The following SARDH variants were observed in gnomAD, a reference collection of about 807,000 sequenced individuals.
SARDH encodes the protein sarcosine dehydrogenase.
Under a neutral mutation model 109.1 loss-of-function variants are expected in SARDH, and 95 were observed. That is an observed-to-expected ratio of 0.87 (90% CI 0.74 to 1.03). SARDH has a LOEUF of 1.03. Ranked by LOEUF, SARDH falls within the 50% of genes least tolerant of loss-of-function variation. The pLI is 0.00. For synonymous variants in SARDH, 572 were observed against 534.8 expected (o/e 1.07, Z -0.96); for missense variants, 1,267 against 1,287.8 (o/e 0.98, Z 0.25).
intron 19 of SARDH, among the ~76,000 whole-genome samples, chr9:133,667,376 G>C (rs1179996792): frequency 6.6e-6 from 1 of 151,828 alleles, no homozygotes; most frequent in African/African-American, 2.4e-5. Flanking sequence ...ATGTTGGCCA[G>C]GCTGGTCTCG....
intron 17 of SARDH, among the ~76,000 whole-genome samples, chr9:133,682,032 A>C (rs1830714200): frequency 6.6e-6 from 1 of 152,140 alleles, no homozygotes; most frequent in African/African-American, 2.4e-5. Flanking sequence ...AAGGACAGAG[A>C]AGAACACACC....
In SARDH at chr9:133,730,131, C is replaced by T. The variant is rs35457000; in HGVS notation, c.747G>A (p.Val249=). Residue 249 remains valine, a synonymous_variant, in exon 5 of 21, where the codon GTG becomes GTA. Coordinates refer to ENST00000439388, the MANE Select transcript of SARDH (RefSeq NM_001134707.2). ...GIRVWTDDFG[V]RRVAGVETQH... The stretch of plus-strand genomic sequence containing the variant: ...GAGTCTCCACACCCGCGACCCGCCG[C>T]ACCCCAAAATCATCCGTCCACACAC... The T allele has an allele frequency of 2.4e-3, 3,902 of 1,614,230 alleles. 65 individuals carry two copies. In the African/African-American group the frequency reaches 0.043, roughly 18 times the overall value.
At chr9:133,694,492 G>A in intron 14 of SARDH, 121 bp from the exon 15 acceptor site, 1 of 820,302 alleles carries the variant, frequency 1.2e-6, no homozygotes, top group Non-Finnish European at 2.0e-6. Flanking sequence ...ATAACCCCCA[G>A]ACAGGATGCC....
chr9:133,707,027 T>C (rs1348157441), intron 11 of SARDH, among the ~76,000 whole-genome samples: 4 of 152,156 alleles, frequency 2.6e-5, no homozygotes, highest in African/African-American at 9.7e-5. Flanking sequence ...GGGCCACCTT[T>C]CTAAGGAGGC....
At chr9:133,722,642 G>GCTCTCTCTCTCTCTCTCTCT (rs56179331) in intron 6 of SARDH, among the ~76,000 whole-genome samples, 12 of 145,840 alleles carry the variant, frequency 8.2e-5, no homozygotes, top group South Asian at 4.5e-4. Context: ...AACTACTAGC[G>GCTCTCTCTCTCTCTCTCTCT]CTCTCTCTCT....
At chr9:133,731,184 G>T (rs1832667142) in intron 4 of SARDH, 121 bp downstream of exon 4, 1 of 1,322,800 alleles carries the variant, frequency 7.6e-7, no homozygotes, top group Non-Finnish European at 1.0e-6. Context: ...GGTCCTCACT[G>T]GCCCAAAGTC....
At chr9:133,726,394 A>ATAATAG (rs59172198) in intron 6 of SARDH, among the ~76,000 whole-genome samples, 27 of 132,348 alleles carry the variant, frequency 2.0e-4, no homozygotes, top group East Asian at 1.1e-3. Flanking sequence ...AATAATAATA[A>ATAATAG]TAGTAGTAGT....
chr9:133,729,112 T>C (rs1832586852), intron 6 of SARDH, among the ~76,000 whole-genome samples: 1 of 151,412 alleles, frequency 6.6e-6, no homozygotes, highest in Non-Finnish European at 1.5e-5. Flanking sequence ...CGGGAGTAGA[T>C]GGATGGAGAG....
Position 133,671,701 on chromosome 9 carries a change from G to T in SARDH, c.2164-4C>A, listed in dbSNP as rs781152596. ...AGGACAGCCGCATGGCTCGGACCTGGGGGACAAGGTCATGGCTTAGATGTG... is the reference window on the plus strand; with the variant it reads ...AGGACAGCCGCATGGCTCGGACCTGTGGGACAAGGTCATGGCTTAGATGTG... On this transcript the variant is annotated splice_polypyrimidine_tract_variant and splice_region_variant and intron_variant, in intron 17 of 20. Coordinates refer to ENST00000439388, the MANE Select transcript of SARDH (RefSeq NM_001134707.2). 13 of 1,565,182 alleles carry T rather than the reference G, an allele frequency of 8.3e-6. No individual in the cohort carries two copies. Among genetic ancestry groups the T allele is most frequent in the South Asian group, 4.7e-5 (4 of 85,214 alleles).
chr9:133,702,968 C>T lies in SARDH; in HGVS notation c.1616G>A (p.Arg539His), dbSNP rs770073449. 1.2e-6 allele frequency: 2 copies of T among 1,613,332 alleles called. No homozygotes were observed. Among genetic ancestry groups the T allele is most frequent in the Non-Finnish European group, 8.5e-7 (1 of 1,180,002 alleles). Residue 539 changes from arginine to histidine, a missense_variant, in exon 13 of 21, where the codon CGC becomes CAC. Coordinates refer to ENST00000439388, the MANE Select transcript of SARDH (RefSeq NM_001134707.2). ...GSRAHEDYAY[R>H]RLLADEYTFA... Reference sequence around the variant, plus strand: ...GGTGTACTCGTCTGCCAGCAGCCTGCGGTAGGCGTAGTCCTCGTGCGCGCG... The same window carrying T: ...GGTGTACTCGTCTGCCAGCAGCCTGTGGTAGGCGTAGTCCTCGTGCGCGCG...
chr9:133,722,304 A>AT (rs141882758), intron 6 of SARDH, among the ~76,000 whole-genome samples: 19,104 of 44,596 alleles, frequency 0.43, 1,427 homozygotes, highest in South Asian at 0.52. Flanking sequence ...ATCTTTAATG[A>AT]TTTTTTTTTT....
chr9:133,709,384 G>A lies in SARDH; in HGVS notation c.1329-956C>T, dbSNP rs562800374. 2.6e-3 allele frequency among the ~76,000 whole-genome samples: 398 copies of A among 152,176 alleles called. 3 individuals are homozygous for A. The highest frequency in any genetic ancestry group is 3.8e-3 in the Non-Finnish European group (259 of 68,000). ...GGAACTGCTGGCTGGAGTGAGACCC[G>A]GGCCCAGCTGCATCAGGGCCCTGCA... On this transcript the variant is annotated intron_variant, in intron 10 of 20. Transcript: ENST00000439388. The surrounding 1 kb of genome is among the most constrained non-coding windows in gnomAD (Gnocchi z 4.2).
chr9:133,667,683 G>A (rs1564226367), intron 19 of SARDH, among the ~76,000 whole-genome samples: 1 of 152,148 alleles, frequency 6.6e-6, no homozygotes, highest in Non-Finnish European at 1.5e-5. Flanking sequence ...TATCACGGCG[G>A]CAGCTATGCA....
intron 10 of SARDH, among the ~76,000 whole-genome samples, chr9:133,710,419 G>A (rs772238090): frequency 2.6e-5 from 4 of 152,224 alleles, no homozygotes; most frequent in East Asian, 1.9e-4. Context: ...ACCCTCACGC[G>A]CAGCCCGGAG....
At chr9:133,674,563 G>A (rs1226234256) in intron 17 of SARDH, among the ~76,000 whole-genome samples, 1 of 152,236 alleles carries the variant, frequency 6.6e-6, no homozygotes, top group Non-Finnish European at 1.5e-5. Context: ...AATCAGCAAA[G>A]TTGGAGAAAG....
rs531353697 is a variant in SARDH, at chr9:133,711,954, T to A, written c.1328+665A>T. 4.6e-5 allele frequency among the ~76,000 whole-genome samples: 7 copies of A among 152,320 alleles called. No homozygotes were observed. The South Asian group carries it at 1.4e-3, about 32-fold the overall frequency. On this transcript the variant is annotated intron_variant, in intron 10 of 20. Transcript: ENST00000439388. ...CCGGGGAGCGCCTGCACCACTGTCCTGTGCTCTGCAAGAGATGGCCCTGAC... is the reference window on the plus strand; with the variant it reads ...CCGGGGAGCGCCTGCACCACTGTCCAGTGCTCTGCAAGAGATGGCCCTGAC...
chr9:133,676,721 G>A (rs940227237), intron 17 of SARDH, among the ~76,000 whole-genome samples: 2 of 152,192 alleles, frequency 1.3e-5, no homozygotes, highest in East Asian at 1.9e-4. Context: ...GGGGAAAGGC[G>A]GTACTTAAAC....
chr9:133,722,121 CACAAA>C (rs57378996), intron 6 of SARDH, among the ~76,000 whole-genome samples: 3,468 of 150,530 alleles, frequency 0.023, 83 homozygotes, highest in African/African-American at 0.061. Context: ...GTCTCAAAAA[CACAAA>C]ACAAAACAAA....
intron 18 of SARDH, 116 bp from the exon 19 acceptor site, chr9:133,670,868 G>T: frequency 7.3e-7 from 1 of 1,370,892 alleles, no homozygotes; most frequent in Non-Finnish European, 9.5e-7. Flanking sequence ...CACTCTCAGA[G>T]CTGCTTAGTC....
Sources: gnomAD v4.1 joint callset for allele counts (sites outside exome capture counted in the v4.1 genomes callset) on GRCh38, gnomAD v4.1.1 for gene constraint, Gnocchi (gnomAD v3.1) non-coding constraint, MANE v1.5 for transcripts, NCBI Gene and HGNC (gene_info 2026-07-23, HGNC 2026-07-21) for gene names.